Variants in UPRT observed in about 807,000 individuals in gnomAD.
The protein encoded by UPRT is RP11-311P8.3.
In UPRT, 5 loss-of-function variants were observed where a neutral mutation model predicts 22.6. The ratio of observed to expected loss-of-function variants is 0.22; its 90% confidence interval spans 0.12 to 0.47. The LOEUF is 0.47. Ranked by LOEUF, UPRT falls within the 20% of genes least tolerant of loss-of-function variation. The pLI, the probability that UPRT is intolerant of heterozygous loss-of-function variation, is 0.99. For synonymous variants in UPRT, 77 were observed against 87.7 expected, an observed-to-expected ratio of 0.88 and a Z score of 0.68; for missense variants, 181 against 239.9, an observed-to-expected ratio of 0.75 and a Z score of 1.62.
rs2082752058 is a variant in UPRT at position 75,303,657 on chromosome X, C to T, written c.*146C>T. On this transcript the variant is annotated 3_prime_UTR_variant, in exon 7 of 7. Coordinates refer to ENST00000373383, the MANE Select transcript of UPRT (RefSeq NM_145052.4). ...GAAGTGGGTATATTTGAGGTTATAT[C>T]TCATTTAGTTATTTGTTTACTGTTG... 2.3e-6 allele frequency: 1 copy of T among 427,154 alleles called. No homozygotes were observed. The highest frequency in any genetic ancestry group is 4.4e-5 in the East Asian group (1 of 22,785). 35.2% of individuals were successfully genotyped at this position (427,154 alleles called of 1,213,427 possible).
intron 4 of UPRT, among the ~76,000 whole-genome samples, chrX:75,238,639 C>G (rs1317387909): frequency 3.6e-5 from 4 of 111,460 alleles, no homozygotes; most frequent in African/African-American, 1.3e-4. Context: ...ACAGAACATT[C>G]TACCCAACAA....
intron 4 of UPRT, among the ~76,000 whole-genome samples, chrX:75,299,026 A>C (rs770261228): frequency 3.4e-4 from 38 of 113,133 alleles, no homozygotes; most frequent in African/African-American, 1.2e-3. Context: ...AAAAATGTTA[A>C]GTAAATGCCA....
chrX:75,180,547 G>A (rs570857704), intron 4 of UPRT, among the ~76,000 whole-genome samples: 2 of 111,238 alleles, frequency 1.8e-5, no homozygotes, highest in Middle Eastern at 4.6e-3. Context: ...GATTCTCTCC[G>A]CTTTTCTGAC....
At chrX:75,186,250 T>A (rs941523148) in intron 4 of UPRT, among the ~76,000 whole-genome samples, 1 of 111,801 alleles carries the variant, frequency 8.9e-6, no homozygotes. Flanking sequence ...TCAAAGAACA[T>A]CTTTATTTCT....
intron 4 of UPRT, among the ~76,000 whole-genome samples, chrX:75,188,166 T>A (rs944613164): frequency 4.5e-5 from 5 of 112,236 alleles, no homozygotes; most frequent in East Asian, 5.6e-4. Flanking sequence ...TATCTACTTC[T>A]GGTCTTTGAT....
chrX:75,237,244 A>C (rs1241915456), intron 4 of UPRT, among the ~76,000 whole-genome samples: 5 of 112,011 alleles, frequency 4.5e-5, no homozygotes, highest in African/African-American at 1.6e-4. Flanking sequence ...CAAAACCACA[A>C]TGAGATACCA....
At chrX:75,213,360 T>C (rs1170578762) in intron 4 of UPRT, among the ~76,000 whole-genome samples, 1 of 112,438 alleles carries the variant, frequency 8.9e-6, no homozygotes, top group Non-Finnish European at 1.9e-5. Flanking sequence ...AATGTGTCTC[T>C]TGAGACTGGT....
In UPRT at chrX:75,184,882, C is replaced by G. The variant is rs780444405; in HGVS notation, c.-447+17003C>G. On this transcript the variant is annotated intron_variant, in intron 4 of 13. Transcript: ENST00000652605. ...TGTACATTGATTTTGTATCCCGAGA[C>G]TTTGCTGAAGTTGCTTATCAGCTTA... Among the ~76,000 whole-genome samples, 7 of 111,718 alleles carry G rather than the reference C, an allele frequency of 6.3e-5. No individual in the cohort carries two copies. The South Asian group carries it at 2.7e-3, about 42-fold the overall frequency.
At chrX:75,282,196 T>C (rs2082660294) in intron 1 of UPRT, among the ~76,000 whole-genome samples, 1 of 104,859 alleles carries the variant, frequency 9.5e-6, no homozygotes, top group African/African-American at 3.4e-5. Flanking sequence ...ATTTAATTTA[T>C]CTTTTCAAAG....
chrX:75,163,744 A>G (rs1231350404), intron 3 of UPRT, among the ~76,000 whole-genome samples: 3 of 112,299 alleles, frequency 2.7e-5, no homozygotes, highest in African/African-American at 9.7e-5. Flanking sequence ...TAAAATTGCT[A>G]TGGTTTAAGT....
At chrX:75,194,985 C>A (rs779410176) in intron 4 of UPRT, among the ~76,000 whole-genome samples, 92 of 110,705 alleles carry the variant, frequency 8.3e-4, no homozygotes, top group African/African-American at 2.9e-3. Context: ...GGGCACGGTG[C>A]ACTCACACTG....
chrX:75,219,755 C>T (rs894822944), intron 4 of UPRT, among the ~76,000 whole-genome samples: 2 of 110,787 alleles, frequency 1.8e-5, no homozygotes, highest in Non-Finnish European at 1.9e-5. Flanking sequence ...AAATGCAGAC[C>T]CCAATACAAT....
intron 4 of UPRT, among the ~76,000 whole-genome samples, chrX:75,186,405 G>T (rs1372644279): frequency 9.0e-6 from 1 of 111,330 alleles, no homozygotes; most frequent in Non-Finnish European, 1.9e-5. Flanking sequence ...TATAATTTCT[G>T]TTCTTTTACA....
Position 75,184,877 on chromosome X carries a change from C to T in UPRT, c.-447+16998C>T, listed in dbSNP as rs200442112. On this transcript the variant is annotated intron_variant, in intron 4 of 13. Transcript: ENST00000652605. Reference sequence around the variant, plus strand: ...ATTTTTGTACATTGATTTTGTATCCCGAGACTTTGCTGAAGTTGCTTATCA... The same window carrying T: ...ATTTTTGTACATTGATTTTGTATCCTGAGACTTTGCTGAAGTTGCTTATCA... Among the ~76,000 whole-genome samples, 65 of 111,136 alleles carry T rather than the reference C, an allele frequency of 5.8e-4. No individual in the cohort carries two copies. The South Asian group carries it at 6.1e-3, about 10-fold the overall frequency.
chrX:75,170,681 T>C (rs2082224990), intron 4 of UPRT, among the ~76,000 whole-genome samples: 1 of 111,578 alleles, frequency 9.0e-6, no homozygotes, highest in African/African-American at 3.3e-5. Context: ...TCCTGTGAGA[T>C]TTATGCTTTA....
intron 1 of UPRT, among the ~76,000 whole-genome samples, chrX:75,158,535 A>G (rs2082190155): frequency 8.9e-6 from 1 of 111,755 alleles, no homozygotes; most frequent in Non-Finnish European, 1.9e-5. Context: ...AAAAGTTGTG[A>G]CTAGGTCAGA....
intron 3 of UPRT, among the ~76,000 whole-genome samples, chrX:75,164,243 G>T (rs1038818590): frequency 1.8e-5 from 2 of 111,683 alleles, no homozygotes; most frequent in African/African-American, 6.5e-5. Flanking sequence ...ACATGCACAC[G>T]CATGCTTTCT....
chrX:75,222,757 C>T (rs1486393527), intron 4 of UPRT, among the ~76,000 whole-genome samples: 1 of 110,797 alleles, frequency 9.0e-6, no homozygotes, highest in African/African-American at 3.3e-5. Flanking sequence ...TGGCCCAATG[C>T]AGGTCCAGAA....
At position 75,274,447 on chromosome X, in the gene UPRT, G is replaced by C. The variant is rs774922160; in HGVS notation, c.193G>C (p.Asp65His). The part of the protein sequence containing the change: ...YAHSSLPAEL[D>H]SGACGGSSLN... ...CCATTCTAGCCTGCCGGCCGAGCTGGACTCTGGGGCCTGCGGCGGCTCCAG... is the reference window on the plus strand; with the variant it reads ...CCATTCTAGCCTGCCGGCCGAGCTGCACTCTGGGGCCTGCGGCGGCTCCAG... Residue 65 changes from aspartate to histidine, a missense_variant, in exon 1 of 7, where the codon GAC becomes CAC. Coordinates refer to ENST00000373383, the MANE Select transcript of UPRT (RefSeq NM_145052.4). 1 of 1,211,742 alleles carries C rather than the reference G, an allele frequency of 8.3e-7. No individual in the cohort carries two copies. Among genetic ancestry groups the C allele is most frequent in the South Asian group, 1.8e-5 (1 of 56,931 alleles).
Sources: allele counts gnomAD v4.1 joint callset (sites outside exome capture counted in the v4.1 genomes callset), GRCh38; gene constraint gnomAD v4.1.1; transcripts MANE v1.5; gene names NCBI Gene and HGNC (gene_info 2026-07-23, HGNC 2026-07-21).